TNFRSF11A: variants seen among roughly 807,000 people sequenced by gnomAD.
The protein encoded by TNFRSF11A is TNF receptor superfamily member 11a, also known as tumor necrosis factor receptor superfamily member 11A.
A neutral mutation model predicts 55.7 loss-of-function variants in TNFRSF11A; 32 were observed. The observed-to-expected ratio is 0.57, with a 90% CI of 0.43 to 0.77. TNFRSF11A has a LOEUF of 0.77. TNFRSF11A is among the 30% of genes least tolerant of loss of function. The pLI, the probability that TNFRSF11A is intolerant of heterozygous loss-of-function variation, is 0.00. For synonymous variants in TNFRSF11A, 311 were observed against 331.0 expected (o/e 0.94, Z 0.65); for missense variants, 753 against 809.8 (o/e 0.93, Z 0.85).
chr18:62,332,316 C>T (rs551805686), intron 1 of TNFRSF11A, among the ~76,000 whole-genome samples: 2 of 152,144 alleles, frequency 1.3e-5, no homozygotes, highest in African/African-American at 2.4e-5. Context: ...TAGTGTATCA[C>T]GTAGTAGCAC....
chr18:62,355,547 G>A (rs1909195653), intron 4 of TNFRSF11A, among the ~76,000 whole-genome samples: 1 of 152,142 alleles, frequency 6.6e-6, no homozygotes, highest in Non-Finnish European at 1.5e-5. Flanking sequence ...AAAGTGCTGG[G>A]CTGGGATTAT....
intron 3 of TNFRSF11A, among the ~76,000 whole-genome samples, chr18:62,352,705 A>C (rs1236887702): frequency 2.0e-5 from 3 of 152,188 alleles, no homozygotes; most frequent in Non-Finnish European, 4.4e-5. Flanking sequence ...GGACGTTCCC[A>C]TGTGTTGTGG....
At chr18:62,370,072 G>A (rs1250858005) in intron 9 of TNFRSF11A, among the ~76,000 whole-genome samples, 1 of 152,068 alleles carries the variant, frequency 6.6e-6, no homozygotes, top group Admixed American at 6.5e-5. Context: ...TAACCACAAC[G>A]TATCATATAT....
chr18:62,363,212 C>G (rs1252903924), intron 7 of TNFRSF11A, among the ~76,000 whole-genome samples: 2 of 152,060 alleles, frequency 1.3e-5, no homozygotes, highest in Non-Finnish European at 2.9e-5. Context: ...CCACGTCACA[C>G]TCTTGGACTT....
intron 9 of TNFRSF11A, among the ~76,000 whole-genome samples, chr18:62,370,306 T>C (rs763027621): frequency 2.0e-5 from 3 of 152,192 alleles, no homozygotes; most frequent in Non-Finnish European, 2.9e-5. Context: ...AGGGATCTCT[T>C]TGAGAATCTT....
At position 62,388,904 on chromosome 18, in the gene TNFRSF11A, T is replaced by G. The variant is rs1245304992; in HGVS notation, c.*3870T>G. On this transcript the variant is annotated 3_prime_UTR_variant, in exon 10 of 10. Coordinates refer to ENST00000586569, the MANE Select transcript of TNFRSF11A (RefSeq NM_003839.4). ...CTTCACCTCAGCTCAACAAACAAAC[T>G]CTTGTTACGATTATACAAGGGTGAG... 6.6e-6 allele frequency: 1 copy of G among 152,150 alleles called. No individual in the cohort carries two copies. The highest frequency in any genetic ancestry group is 1.5e-5 in the Non-Finnish European group (1 of 68,036). The allele number at this position is 152,150 out of a possible 1,614,324, so 9.4% of individuals were successfully genotyped here.
intron 1 of TNFRSF11A, among the ~76,000 whole-genome samples, chr18:62,342,993 G>T (rs1004042549): frequency 1.3e-5 from 2 of 152,178 alleles, no homozygotes; most frequent in Admixed American, 1.3e-4. Context: ...TACACAGGTT[G>T]CTAGTAATTT....
Position 62,358,356 on chromosome 18 carries a change from A to G in TNFRSF11A, c.521+15A>G. 1 of 1,610,546 alleles carries G rather than the reference A, an allele frequency of 6.2e-7. No individual in the cohort carries two copies. The highest frequency in any genetic ancestry group is 8.5e-7 in the Non-Finnish European group (1 of 1,177,040). On this transcript the variant is annotated intron_variant, in intron 5 of 9. Transcript: ENST00000586569. ...CCCTGGACCAAGTAAGTAACAACAA[A>G]GGAGTCAGAAGAGATGGTTGGTTTT... is the stretch of plus-strand genomic sequence containing the variant.
At chr18:62,330,685 G>T (rs543727736) in intron 1 of TNFRSF11A, 3 of 152,806 alleles carry the variant, frequency 2.0e-5, no homozygotes, top group African/African-American at 7.2e-5. Flanking sequence ...ATCAGGTCAG[G>T]GCAGTGGCGA....
chr18:62,352,573 A>G (rs997412243), intron 3 of TNFRSF11A, among the ~76,000 whole-genome samples: 1 of 152,254 alleles, frequency 6.6e-6, no homozygotes, highest in Admixed American at 6.5e-5. Context: ...TAAAGCCAAA[A>G]ATCTGGTACA....
At position 62,383,049 on chromosome 18, in the gene TNFRSF11A, TGTGGAGAGGGG is replaced by T. The variant is rs1911405587; in HGVS notation, c.1568-1694_1568-1684del. Among the ~76,000 whole-genome samples, 1 of 152,070 alleles carries T rather than the reference TGTGGAGAGGGG, an allele frequency of 6.6e-6. No individual in the cohort carries two copies. Among genetic ancestry groups the T allele is most frequent in the African/African-American group, 2.4e-5 (1 of 41,400 alleles). ...GGAGTACGCTGCATGCCTGGCAATGTGTGGAGAGGGGGTGGAGAAGGTGCTGGGTAGGTGGT... is the reference window on the plus strand; with the variant it reads ...GGAGTACGCTGCATGCCTGGCAATGTGTGGAGAAGGTGCTGGGTAGGTGGT... On this transcript the variant is annotated intron_variant, in intron 9 of 9. Transcript: ENST00000586569. The surrounding 1 kb of genome is among the most constrained non-coding windows in gnomAD (Gnocchi z 4.2).
At chr18:62,370,868 C>T (rs1223857379) in intron 9 of TNFRSF11A, among the ~76,000 whole-genome samples, 1 of 150,734 alleles carries the variant, frequency 6.6e-6, no homozygotes, top group Non-Finnish European at 1.5e-5. Flanking sequence ...CTCACTCTGT[C>T]GCCCAGGCTG....
chr18:62,353,629 A>C (rs1428387243), intron 3 of TNFRSF11A, among the ~76,000 whole-genome samples: 1 of 152,220 alleles, frequency 6.6e-6, no homozygotes, highest in Non-Finnish European at 1.5e-5. Flanking sequence ...GAATTCACAA[A>C]TATGAATCTG....
In TNFRSF11A at chr18:62,354,380, G is replaced by A; in HGVS notation, c.284-11G>A. 1.3e-6 allele frequency: 2 copies of A among 1,567,490 alleles called. No homozygotes were observed. Among genetic ancestry groups the A allele is most frequent in the Non-Finnish European group, 1.7e-6 (2 of 1,161,406 alleles). ...CTCCCTGGCCACTGACCTGTCTCTT[G>A]TCTCCCGCAGGCAAGGCCCTGGTGG... On this transcript the variant is annotated splice_polypyrimidine_tract_variant and intron_variant, in intron 3 of 9. Transcript: ENST00000586569.
intron 9 of TNFRSF11A, among the ~76,000 whole-genome samples, chr18:62,370,369 T>C (rs1005305144): frequency 1.3e-5 from 2 of 152,218 alleles, no homozygotes; most frequent in Non-Finnish European, 2.9e-5. Flanking sequence ...ATATATACTA[T>C]TTAAGGGGCT....
intron 9 of TNFRSF11A, among the ~76,000 whole-genome samples, chr18:62,378,857 TATTCTCTGCC>T (rs1483950839): frequency 6.6e-6 from 1 of 152,212 alleles, no homozygotes; most frequent in Non-Finnish European, 1.5e-5. Flanking sequence ...TCTAGACTCC[TATTCTCTGCC>T]CCACATTTCT....
chr18:62,376,832 C>A (rs1002263275), intron 9 of TNFRSF11A, among the ~76,000 whole-genome samples: 1 of 152,222 alleles, frequency 6.6e-6, no homozygotes. Context: ...ATCATACATT[C>A]TATAGCCTTT....
At chr18:62,355,861 G>T (rs978928704) in intron 4 of TNFRSF11A, among the ~76,000 whole-genome samples, 3 of 152,206 alleles carry the variant, frequency 2.0e-5, no homozygotes, top group African/African-American at 7.2e-5. Flanking sequence ...TAAGTGCTGA[G>T]AAATTTGTTC....
At chr18:62,342,610 A>T (rs1026834449) in intron 1 of TNFRSF11A, among the ~76,000 whole-genome samples, 2 of 152,146 alleles carry the variant, frequency 1.3e-5, no homozygotes, top group Non-Finnish European at 1.5e-5. Flanking sequence ...CTGTGCCATG[A>T]TCCAGAATAG....
Sources: allele counts gnomAD v4.1 joint callset (sites outside exome capture counted in the v4.1 genomes callset), GRCh38; gene constraint gnomAD v4.1.1; non-coding constraint Gnocchi (gnomAD v3.1); transcripts MANE v1.5; gene names NCBI Gene and HGNC (gene_info 2026-07-23, HGNC 2026-07-21).